The following PRKAG2 variants were observed in gnomAD, a reference collection of about 807,000 sequenced individuals.
The protein encoded by PRKAG2 is 5'-AMP-activated protein kinase subunit gamma-2.
Under a neutral mutation model 69.6 loss-of-function variants are expected in PRKAG2, and 26 were observed. That is an observed-to-expected ratio of 0.37 (90% confidence interval 0.27 to 0.52). The LOEUF (loss-of-function observed/expected upper bound fraction) is 0.52. Ranked by LOEUF, PRKAG2 falls within the 20% of genes least tolerant of loss-of-function variation. The pLI is 0.90. For missense variants in PRKAG2, 557 were observed against 740.0 expected (o/e 0.75, Z 2.87); for synonymous variants, 293 against 285.0 (o/e 1.03, Z -0.28).
Position 151,836,705 on chromosome 7 carries a change from A to G in PRKAG2, c.114+39802T>C, listed in dbSNP as rs1324109832. Among the ~76,000 whole-genome samples, 1 of 152,206 alleles carries G rather than the reference A, an allele frequency of 6.6e-6. No individual in the cohort carries two copies. The highest frequency in any genetic ancestry group is 1.5e-5 in the Non-Finnish European group (1 of 68,036). On this transcript the variant is annotated intron_variant, in intron 1 of 15. Coordinates refer to ENST00000287878, the MANE Select transcript of PRKAG2 (RefSeq NM_016203.4). The surrounding 1 kb of genome is among the most constrained non-coding windows in gnomAD (Gnocchi z 4.1). ...TGTATGCGGGTCCTCCAGGGTCCTC[A>G]GGCCACAGCTCCTGGGCTGGAGAAC... is the stretch of plus-strand genomic sequence containing the variant.
intron 1 of PRKAG2, among the ~76,000 whole-genome samples, chr7:151,789,750 C>T (rs1425837223): frequency 6.6e-6 from 1 of 152,182 alleles, no homozygotes; most frequent in African/African-American, 2.4e-5. Context: ...GTGCACTGGC[C>T]TGCGGTACAG....
chr7:151,648,125 G>A (rs1425072581), intron 4 of PRKAG2, among the ~76,000 whole-genome samples: 2 of 151,778 alleles, frequency 1.3e-5, no homozygotes, highest in Non-Finnish European at 2.9e-5. Context: ...GAGAGGAGGG[G>A]TGGGTGGTGT....
At chr7:151,559,551 T>C (rs1804466511) in intron 15 of PRKAG2, 2 of 984,068 alleles carry the variant, frequency 2.0e-6, no homozygotes, top group African/African-American at 3.5e-5. Flanking sequence ...GAAAAATCAC[T>C]GCTGTACTGG....
At chr7:151,766,813 C>T (rs142577768) in intron 3 of PRKAG2, among the ~76,000 whole-genome samples, 2 of 152,344 alleles carry the variant, frequency 1.3e-5, no homozygotes, top group Admixed American at 6.5e-5. Flanking sequence ...CCAACTCTGT[C>T]CGTACCTACG....
chr7:151,838,021 C>T, intron 1 of PRKAG2, among the ~76,000 whole-genome samples: 1 of 151,854 alleles, frequency 6.6e-6, no homozygotes, highest in East Asian at 1.9e-4. Flanking sequence ...CTCGGGAACG[C>T]GCACAGGACC....
intron 1 of PRKAG2, among the ~76,000 whole-genome samples, chr7:151,798,136 T>C (rs956663525): frequency 2.0e-5 from 3 of 151,232 alleles, no homozygotes; most frequent in Non-Finnish European, 4.4e-5. Context: ...TCTGAGTAGC[T>C]GAGATTACAG....
chr7:151,869,742 C>T (rs1031654545), intron 1 of PRKAG2, among the ~76,000 whole-genome samples: 1 of 152,212 alleles, frequency 6.6e-6, no homozygotes, highest in Non-Finnish European at 1.5e-5. Flanking sequence ...CCACTGAGGA[C>T]GACCCTCGCT....
rs1318924639 is a variant in PRKAG2 at position 151,855,346 on chromosome 7, ATGCTCCACACACACCG to A, written c.114+21145_114+21160del. On this transcript the variant is annotated intron_variant, in intron 1 of 15. Transcript: ENST00000287878. ...CCACACACCGCCCTCCACACACACC[ATGCTCCACACACACCG>A]CCCTCCACACACACCGCCCTCCACA... is the stretch of plus-strand genomic sequence containing the variant. Among the ~76,000 whole-genome samples the A allele has an allele frequency of 4.1e-3, 58 of 14,014 alleles. 12 individuals are homozygous for A. Among genetic ancestry groups the A allele is most frequent in the Admixed American group, 5.2e-3 (5 of 960 alleles). 9.2% of individuals were successfully genotyped at this position (14,014 alleles called of 152,430 possible).
intron 6 of PRKAG2, among the ~76,000 whole-genome samples, chr7:151,593,981 C>T (rs113642894): frequency 6.6e-6 from 1 of 152,212 alleles, no homozygotes. Flanking sequence ...GCCCGGGGAG[C>T]CCTCTGAGGA....
chr7:151,818,668 G>A (rs1363598921), intron 1 of PRKAG2, among the ~76,000 whole-genome samples: 2 of 152,242 alleles, frequency 1.3e-5, no homozygotes, highest in Non-Finnish European at 2.9e-5. Context: ...ATCTGTGCAG[G>A]GGAAAGCCAG....
intron 3 of PRKAG2, among the ~76,000 whole-genome samples, chr7:151,685,319 T>TA (rs1422754333): frequency 6.6e-6 from 1 of 152,206 alleles, no homozygotes. Flanking sequence ...CCAACACCCC[T>TA]ATCCCATGCT....
At chr7:151,863,133 G>A (rs1474454736) in intron 1 of PRKAG2, among the ~76,000 whole-genome samples, 1 of 151,694 alleles carries the variant, frequency 6.6e-6, no homozygotes, top group Admixed American at 6.6e-5. Flanking sequence ...CCCGGGTACA[G>A]GGGGCACTGG....
chr7:151,826,713 T>C (rs2078911878), intron 1 of PRKAG2, among the ~76,000 whole-genome samples: 1 of 152,244 alleles, frequency 6.6e-6, no homozygotes, highest in Non-Finnish European at 1.5e-5. Flanking sequence ...TGATACATCC[T>C]CAAATACACG....
intron 4 of PRKAG2, among the ~76,000 whole-genome samples, chr7:151,646,247 C>T (rs898546511): frequency 2.2e-4 from 33 of 152,098 alleles, no homozygotes; most frequent in East Asian, 3.8e-4. Context: ...TTGGCTGGGA[C>T]GGCATTTGAT....
At position 151,556,948 on chromosome 7, in the gene PRKAG2, G is replaced by A. The variant is rs1288567800; in HGVS notation, c.*253C>T. ...AAAATAATGAAAACTTCAGGACACA[G>A]TGCACTTTAATGACATACAGCATTT... is the stretch of plus-strand genomic sequence containing the variant. On this transcript the variant is annotated 3_prime_UTR_variant, in exon 16 of 16. Coordinates refer to ENST00000287878, the MANE Select transcript of PRKAG2 (RefSeq NM_016203.4). 3 of 543,152 alleles carry A rather than the reference G, an allele frequency of 5.5e-6. No homozygotes were observed. In the East Asian group the frequency reaches 1.0e-4, roughly 19 times the overall value. The allele number at this position is 543,152 out of a possible 1,614,324, so 33.6% of individuals were successfully genotyped here.
At chr7:151,688,018 G>A (rs1835003928) in intron 3 of PRKAG2, among the ~76,000 whole-genome samples, 1 of 147,058 alleles carries the variant, frequency 6.8e-6, no homozygotes, top group South Asian at 2.2e-4. Flanking sequence ...GGAGGGAGGA[G>A]GAGGAGGAGG....
At chr7:151,735,092 G>A (rs1799564204) in intron 3 of PRKAG2, among the ~76,000 whole-genome samples, 1 of 152,098 alleles carries the variant, frequency 6.6e-6, no homozygotes, top group Admixed American at 6.5e-5. Flanking sequence ...CTGACCTCAG[G>A]TGATCCGCCT....
At chr7:151,787,594 A>C (rs1045539408) in intron 1 of PRKAG2, among the ~76,000 whole-genome samples, 2 of 152,190 alleles carry the variant, frequency 1.3e-5, no homozygotes, top group Non-Finnish European at 2.9e-5. Flanking sequence ...CCGCTTACGC[A>C]TTCATCAGTT....
At chr7:151,679,459 C>T (rs1833490790) in intron 3 of PRKAG2, among the ~76,000 whole-genome samples, 1 of 152,166 alleles carries the variant, frequency 6.6e-6, no homozygotes, top group Non-Finnish European at 1.5e-5. Flanking sequence ...TCCTCCTCTC[C>T]CAGCCCCTTT....
Sources: gnomAD v4.1 joint callset for allele counts (sites outside exome capture counted in the v4.1 genomes callset) on GRCh38, gnomAD v4.1.1 for gene constraint, Gnocchi (gnomAD v3.1) non-coding constraint, MANE v1.5 for transcripts, NCBI Gene and HGNC (gene_info 2026-07-23, HGNC 2026-07-21) for gene names.